The following DCBLD2 variants were observed in gnomAD, a reference collection of about 807,000 sequenced individuals.
The protein encoded by DCBLD2 is discoidin, CUB and LCCL domain containing 2.
In DCBLD2, 54 loss-of-function variants were observed where a neutral mutation model predicts 86.8. The observed-to-expected ratio is 0.62, with a 90% confidence interval of 0.50 to 0.78. The LOEUF (loss-of-function observed/expected upper bound fraction) is 0.78, where lower values mean the gene tolerates loss of function less well. Ranked by LOEUF, DCBLD2 falls within the 30% of genes least tolerant of loss-of-function variation. The pLI is 0.00. For missense variants in DCBLD2, 908 were observed against 954.2 expected (o/e 0.95, Z 0.64); for synonymous variants, 354 against 341.3 (o/e 1.04, Z -0.41).
rs558288336 is a variant in DCBLD2, at chr3:98,801,963, C to T, written c.1671-314G>A. On this transcript the variant is annotated intron_variant, in intron 13 of 15. Coordinates refer to ENST00000326840, the MANE Select transcript of DCBLD2 (RefSeq NM_080927.4). ...CTTAATTCAATCTATCATTCATGGACATTTGGGTTGGTTCCAAGTCTTTGC... is the reference window on the plus strand; with the variant it reads ...CTTAATTCAATCTATCATTCATGGATATTTGGGTTGGTTCCAAGTCTTTGC... 2.8e-5 allele frequency: 6 copies of T among 217,642 alleles called. No individual in the cohort carries two copies. In the East Asian group the frequency reaches 6.1e-4, roughly 22 times the overall value. 13.5% of individuals were successfully genotyped at this position (217,642 alleles called of 1,614,324 possible). A position where few individuals can be genotyped will look rare whatever the true frequency, so the allele number is the denominator to read the frequency against.
At position 98,801,543 on chromosome 3, in the gene DCBLD2, C is replaced by A. The variant is rs145702332; in HGVS notation, c.1720+57G>T. 3.5e-6 allele frequency: 5 copies of A among 1,441,794 alleles called. No individual in the cohort carries two copies. The Admixed American group carries it at 5.6e-5, about 16-fold the overall frequency. The allele number at this position is 1,441,794 out of a possible 1,614,324, so 89.3% of individuals were successfully genotyped here. A position where few individuals can be genotyped will look rare whatever the true frequency, so the allele number is the denominator to read the frequency against. ...ATGACTCTTTTTTCACTACTGCCCC[C>A]TGTAGGGGAGCGACATCCCTCTGAT... On this transcript the variant is annotated intron_variant, in intron 14 of 15. Coordinates refer to ENST00000326840, the MANE Select transcript of DCBLD2 (RefSeq NM_080927.4).
intron 4 of DCBLD2, among the ~76,000 whole-genome samples, chr3:98,822,999 A>G (rs1174380591): frequency 6.6e-6 from 1 of 152,044 alleles, no homozygotes; most frequent in Non-Finnish European, 1.5e-5. Flanking sequence ...CAGCCTCCCG[A>G]GTAGCTGGGA....
At chr3:98,851,548 A>G (rs2107486693) in intron 2 of DCBLD2, among the ~76,000 whole-genome samples, 1 of 152,348 alleles carries the variant, frequency 6.6e-6, no homozygotes, top group Non-Finnish European at 1.5e-5. Flanking sequence ...CCATCAAGCT[A>G]CCATTGACTT....
At chr3:98,856,652 T>C (rs918402016) in intron 2 of DCBLD2, among the ~76,000 whole-genome samples, 9 of 151,920 alleles carry the variant, frequency 5.9e-5, no homozygotes, top group Admixed American at 3.9e-4. Flanking sequence ...TGATAAAACA[T>C]CTTGAAGCAT....
At chr3:98,858,342 C>T (rs532480903) in intron 2 of DCBLD2, among the ~76,000 whole-genome samples, 116 of 152,356 alleles carry the variant, frequency 7.6e-4, no homozygotes, top group African/African-American at 2.6e-3. Context: ...GAGCCGGCTC[C>T]GGCCTTGGCC....
intron 1 of DCBLD2, among the ~76,000 whole-genome samples, chr3:98,884,941 G>C (rs552930656): frequency 6.6e-6 from 1 of 152,224 alleles, no homozygotes; most frequent in South Asian, 2.1e-4. Context: ...AGTGTTAGGA[G>C]TAATTTTTAG....
At chr3:98,841,253 A>C (rs1942615110) in intron 3 of DCBLD2, among the ~76,000 whole-genome samples, 1 of 152,224 alleles carries the variant, frequency 6.6e-6, no homozygotes, top group Admixed American at 6.5e-5. Flanking sequence ...ATAATCAATA[A>C]CAGCCTGAGG....
intron 13 of DCBLD2, among the ~76,000 whole-genome samples, chr3:98,806,415 C>T (rs1306712126): frequency 1.3e-5 from 2 of 152,144 alleles, no homozygotes; most frequent in South Asian, 4.1e-4. Context: ...TGCTAAGTTC[C>T]TTAAATGCAT....
At chr3:98,881,477 C>T in intron 2 of DCBLD2, 63 bp downstream of exon 2, 2 of 1,440,898 alleles carry the variant, frequency 1.4e-6, no homozygotes, top group East Asian at 4.6e-5. Flanking sequence ...ATGTTAATAT[C>T]AAAAAAATAC....
chr3:98,894,220 T>G (rs775713332), intron 1 of DCBLD2, among the ~76,000 whole-genome samples: 2 of 152,166 alleles, frequency 1.3e-5, no homozygotes, highest in African/African-American at 4.8e-5. Context: ...CTCCTCAGTC[T>G]GCCCCTCAAT....
chr3:98,867,871 T>C (rs1291910184), intron 2 of DCBLD2, among the ~76,000 whole-genome samples: 1 of 151,930 alleles, frequency 6.6e-6, no homozygotes, highest in African/African-American at 2.4e-5. Context: ...GGCACAATCT[T>C]GGTTCACTGC....
In DCBLD2 at chr3:98,836,736, A is replaced by AG. The variant is rs1312719708; in HGVS notation, c.572-11371_572-11370insC. 2.4e-4 allele frequency among the ~76,000 whole-genome samples: 4 copies of AG among 16,642 alleles called. 1 individual carries two copies. Among genetic ancestry groups the AG allele is most frequent in the East Asian group, 0.022 (2 of 90 alleles). 10.9% of individuals were successfully genotyped at this position (16,642 alleles called of 152,430 possible). On this transcript the variant is annotated intron_variant, in intron 3 of 15. Coordinates refer to ENST00000326840, the MANE Select transcript of DCBLD2 (RefSeq NM_080927.4). ...GCCGGGCGGGGGGGCTGACCCCCCC[A>AG]TCTCCCTCCCGGACGGGGTGGCTGG... is the stretch of plus-strand genomic sequence containing the variant.
intron 2 of DCBLD2, among the ~76,000 whole-genome samples, chr3:98,866,495 G>C (rs571901879): frequency 6.6e-6 from 1 of 152,176 alleles, no homozygotes; most frequent in Non-Finnish European, 1.5e-5. Flanking sequence ...TCTTTTGGCT[G>C]CATAAATGTC....
chr3:98,843,745 T>A (rs142395433), intron 3 of DCBLD2, among the ~76,000 whole-genome samples: 1 of 152,198 alleles, frequency 6.6e-6, no homozygotes, highest in African/African-American at 2.4e-5. Context: ...CTCAGCTGTT[T>A]ACAAGTCTTA....
At position 98,812,393 on chromosome 3, in the gene DCBLD2, G is replaced by A. The variant is rs753531087; in HGVS notation, c.1302C>T (p.Thr434=). Residue 434 remains threonine, a synonymous_variant, in exon 10 of 16, where the codon ACC becomes ACT. Coordinates refer to ENST00000326840, the MANE Select transcript of DCBLD2 (RefSeq NM_080927.4). ...IIARFIRVNP[T]QWQQKIAMKM... The stretch of plus-strand genomic sequence containing the variant: ...TCATGGCAATTTTCTGCTGCCATTG[G>A]GTAGGATTCACTCTAATAAAACGTG... 3 of 1,613,148 alleles carry A rather than the reference G, an allele frequency of 1.9e-6. No homozygotes were observed. Among genetic ancestry groups the A allele is most frequent in the Non-Finnish European group, 2.5e-6 (3 of 1,179,576 alleles).
At chr3:98,896,683 C>G (rs1222879380) in intron 1 of DCBLD2, among the ~76,000 whole-genome samples, 1 of 152,100 alleles carries the variant, frequency 6.6e-6, no homozygotes, top group African/African-American at 2.4e-5. Flanking sequence ...GAGTAATAAT[C>G]ATTGTTATCC....
At chr3:98,870,737 A>AAAAGAAAG (rs199615171) in intron 2 of DCBLD2, among the ~76,000 whole-genome samples, 1,473 of 69,742 alleles carry the variant, frequency 0.021, 47 homozygotes, top group Admixed American at 0.03. Context: ...AAAAGAAAGA[A>AAAAGAAAG]AAAGAAAGAA....
At chr3:98,815,433 G>A (rs1021522341) in intron 9 of DCBLD2, 1 of 152,136 alleles carries the variant, frequency 6.6e-6, no homozygotes, top group African/African-American at 2.4e-5. Flanking sequence ...ATTGTTTCCA[G>A]TAGCTTAACT....
intron 12 of DCBLD2, 53 bp from the exon 13 acceptor site, chr3:98,808,227 GC>G: frequency 6.9e-7 from 1 of 1,452,054 alleles, no homozygotes; most frequent in South Asian, 1.4e-5. Context: ...AACACCAAAG[GC>G]AGAAATCACT....
Sources: allele counts gnomAD v4.1 joint callset (sites outside exome capture counted in the v4.1 genomes callset), GRCh38; gene constraint gnomAD v4.1.1; transcripts MANE v1.5; gene names NCBI Gene and HGNC (gene_info 2026-07-23, HGNC 2026-07-21).